Variants in CCSER1 observed in about 807,000 individuals in gnomAD.
CCSER1 encodes coiled-coil serine rich protein 1, also known as serine-rich coiled-coil domain-containing protein 1.
In CCSER1, 41 loss-of-function variants were observed where a neutral mutation model predicts 82.0. That is an observed-to-expected ratio of 0.50 (90% CI 0.39 to 0.65). CCSER1 has a LOEUF of 0.65. Among genes scored for constraint, CCSER1 ranks in the 30% least tolerant of loss-of-function variants. The pLI, the probability that CCSER1 is intolerant of heterozygous loss-of-function variation, is 0.00. For synonymous variants in CCSER1, 414 were observed against 383.9 expected (o/e 1.08, Z -0.92); for missense variants, 1,119 against 1,064.2 (o/e 1.05, Z -0.72).
At chr4:91,482,423 AAAAAAAAAAGT>A (rs1560706565) in intron 10 of CCSER1, among the ~76,000 whole-genome samples, 1 of 148,262 alleles carries the variant, frequency 6.7e-6, no homozygotes, top group East Asian at 2.0e-4. Flanking sequence ...AAAAAAAAAA[AAAAAAAAAAGT>A]CAGGAAACAA....
intron 10 of CCSER1, among the ~76,000 whole-genome samples, chr4:91,358,233 CT>C (rs1304887970): frequency 6.6e-6 from 1 of 151,778 alleles, no homozygotes; most frequent in Non-Finnish European, 1.5e-5. Context: ...CTGTTACTGT[CT>C]GTGTACGGAA....
At chr4:91,347,696 T>C (rs1657180478) in intron 10 of CCSER1, among the ~76,000 whole-genome samples, 1 of 152,058 alleles carries the variant, frequency 6.6e-6, no homozygotes, top group Admixed American at 6.5e-5. Flanking sequence ...TATTTTGATA[T>C]ATTTATATCT....
chr4:90,671,816 T>C (rs1382119852), intron 6 of CCSER1, among the ~76,000 whole-genome samples: 1 of 151,988 alleles, frequency 6.6e-6, no homozygotes, highest in African/African-American at 2.4e-5. Flanking sequence ...AAATAATAAC[T>C]CTTGAAAATC....
intron 10 of CCSER1, among the ~76,000 whole-genome samples, chr4:91,222,792 G>T (rs965298061): frequency 6.6e-6 from 1 of 152,140 alleles, no homozygotes; most frequent in Non-Finnish European, 1.5e-5. Context: ...TTGGGCACTG[G>T]AAATGTAGTT....
At chr4:91,227,402 G>A (rs1423822904) in intron 10 of CCSER1, among the ~76,000 whole-genome samples, 1 of 151,648 alleles carries the variant, frequency 6.6e-6, no homozygotes, top group African/African-American at 2.4e-5. Context: ...CATAGAAACC[G>A]TCAAGAGCAT....
intron 7 of CCSER1, chr4:90,727,106 C>G: frequency 5.5e-6 from 2 of 364,402 alleles, no homozygotes; most frequent in South Asian, 4.4e-5. Context: ...TTTATAAGAA[C>G]TGTCAGATTC....
At chr4:91,512,518 T>C (rs1409615506) in intron 10 of CCSER1, among the ~76,000 whole-genome samples, 2 of 152,186 alleles carry the variant, frequency 1.3e-5, no homozygotes, top group African/African-American at 4.8e-5. Flanking sequence ...GATCCACCAC[T>C]GGCTTTCTTG....
chr4:91,179,467 A>G (rs2870299), intron 10 of CCSER1, among the ~76,000 whole-genome samples: 55,455 of 152,064 alleles, frequency 0.36, 11,246 homozygotes, highest in Non-Finnish European at 0.46. Flanking sequence ...GTCTTTTCAC[A>G]TAGTCCCATA....
At chr4:91,386,862 A>C (rs1215205222) in intron 10 of CCSER1, among the ~76,000 whole-genome samples, 1 of 152,046 alleles carries the variant, frequency 6.6e-6, no homozygotes, top group Non-Finnish European at 1.5e-5. Flanking sequence ...ATATTAAGGA[A>C]ACAAAAAAGA....
At chr4:91,590,291 A>G (rs766353702) in intron 10 of CCSER1, among the ~76,000 whole-genome samples, 11 of 151,246 alleles carry the variant, frequency 7.3e-5, no homozygotes, top group Non-Finnish European at 1.0e-4. Context: ...AATTTGTGCA[A>G]TCTGAAAAAA....
intron 10 of CCSER1, among the ~76,000 whole-genome samples, chr4:91,493,448 GAA>G (rs70937005): frequency 0.012 from 1,843 of 151,356 alleles, 14 homozygotes; most frequent in African/African-American, 0.025. Flanking sequence ...TGTTTATTAT[GAA>G]AAAAAATATG....
intron 1 of CCSER1, among the ~76,000 whole-genome samples, chr4:90,262,458 G>T (rs888487389): frequency 3.2e-4 from 48 of 151,980 alleles, no homozygotes; most frequent in African/African-American, 1.1e-3. Context: ...GAAAAGCAAG[G>T]ATCTCTTGAA....
intron 6 of CCSER1, among the ~76,000 whole-genome samples, chr4:90,706,328 C>G (rs1739337094): frequency 6.6e-6 from 1 of 152,122 alleles, no homozygotes; most frequent in East Asian, 1.9e-4. Context: ...CACCTGTAAT[C>G]CCAGCACTTT....
At chr4:90,354,511 G>A (rs568145235) in intron 3 of CCSER1, among the ~76,000 whole-genome samples, 32 of 152,044 alleles carry the variant, frequency 2.1e-4, no homozygotes, top group Non-Finnish European at 4.1e-4. Context: ...ACACACACAC[G>A]CACAATAGTA....
intron 3 of CCSER1, among the ~76,000 whole-genome samples, chr4:90,337,265 G>A (rs1210725319): frequency 6.6e-6 from 1 of 152,166 alleles, no homozygotes; most frequent in Non-Finnish European, 1.5e-5. Flanking sequence ...CTCTACATCA[G>A]GGCAAGAGGA....
At chr4:90,904,081 G>T (rs1725079332) in intron 8 of CCSER1, among the ~76,000 whole-genome samples, 1 of 151,850 alleles carries the variant, frequency 6.6e-6, no homozygotes. Flanking sequence ...TATTTCTTTT[G>T]AATTGGTTTT....
At chr4:90,506,780 T>A (rs1020770500) in intron 5 of CCSER1, among the ~76,000 whole-genome samples, 46 of 148,564 alleles carry the variant, frequency 3.1e-4, no homozygotes, top group African/African-American at 6.5e-4. Context: ...AAAAAAAAAA[T>A]AAATAAATAA....
chr4:91,060,375 TA>T (rs1743856503), intron 9 of CCSER1, among the ~76,000 whole-genome samples: 1 of 152,026 alleles, frequency 6.6e-6, no homozygotes, highest in Non-Finnish European at 1.5e-5. Context: ...TTTGAAAACA[TA>T]ATTATATTCT....
At chr4:90,448,465 ATATATATATATATAT>A (rs1560533014) in intron 4 of CCSER1, among the ~76,000 whole-genome samples, 2 of 113,720 alleles carry the variant, frequency 1.8e-5, no homozygotes, top group African/African-American at 8.0e-5. Flanking sequence ...ATATATATAT[ATATATATATATATAT>A]ATATAGCACT....
Sources: allele counts gnomAD v4.1 joint callset (sites outside exome capture counted in the v4.1 genomes callset), GRCh38; gene constraint gnomAD v4.1.1; transcripts MANE v1.5; gene names NCBI Gene and HGNC (gene_info 2026-07-23, HGNC 2026-07-21).